MAST4: variants seen among roughly 807,000 people sequenced by gnomAD.
The protein encoded by MAST4 is microtubule-associated serine/threonine-protein kinase 4.
Under a neutral mutation model 162.7 loss-of-function variants are expected in MAST4, and 89 were observed. The ratio of observed to expected loss-of-function variants is 0.55; its 90% CI spans 0.46 to 0.65. The LOEUF (loss-of-function observed/expected upper bound fraction) is 0.65, where lower values mean the gene tolerates loss of function less well. Ranked by LOEUF, MAST4 falls within the 30% of genes least tolerant of loss-of-function variation. The pLI, the probability that MAST4 is intolerant of heterozygous loss-of-function variation, is 0.00. For missense variants in MAST4, 3,153 were observed against 3,374.0 expected, an observed-to-expected ratio of 0.93 and a Z score of 1.62; for synonymous variants, 1,479 against 1,361.1, an observed-to-expected ratio of 1.09 and a Z score of -1.91.
chr5:67,124,983 T>C (rs1056475164), intron 14 of MAST4, among the ~76,000 whole-genome samples: 1 of 152,208 alleles, frequency 6.6e-6, no homozygotes, highest in African/African-American at 2.4e-5. Flanking sequence ...CAGTTATTTA[T>C]GTAAGAAATG....
intron 3 of MAST4, among the ~76,000 whole-genome samples, chr5:66,855,190 C>T (rs1449207617): frequency 6.6e-6 from 1 of 152,128 alleles, no homozygotes; most frequent in African/African-American, 2.4e-5. Flanking sequence ...CTAGAGCCAT[C>T]CCCTTGGTGA....
At chr5:66,777,058 A>G (rs145162827) in intron 2 of MAST4, among the ~76,000 whole-genome samples, 2 of 152,334 alleles carry the variant, frequency 1.3e-5, no homozygotes, top group African/African-American at 4.8e-5. Flanking sequence ...GTTACCTACT[A>G]TCATCATCAC....
chr5:67,140,248 C>T (rs971425283), intron 19 of MAST4, among the ~76,000 whole-genome samples: 1 of 152,190 alleles, frequency 6.6e-6, no homozygotes, highest in Non-Finnish European at 1.5e-5. Context: ...TACCCAACAC[C>T]CGCACCGTGC....
chr5:66,967,785 C>T (rs1746931732), intron 4 of MAST4, among the ~76,000 whole-genome samples: 1 of 151,084 alleles, frequency 6.6e-6, no homozygotes, highest in African/African-American at 2.4e-5. Flanking sequence ...TATATATGGC[C>T]CTAAATATCA....
chr5:67,166,422 C>A lies in MAST4; in HGVS notation c.7243C>A (p.Pro2415Thr). Residue 2415 changes from proline (P) to threonine (T), a missense_variant, in exon 29 of 29, where the codon CCT (proline) becomes ACT (threonine). Physicochemically the swap from Pro to Thr is conservative, Grantham distance 38 (BLOSUM62 -1). Coordinates refer to ENST00000403625, the MANE Select transcript of MAST4 (RefSeq NM_001164664.2). ...RPAAGVGKGF[P>T]EARGKGPGPQ... ...AGCCGCGGGGGTGGGGAAGGGCTTC[C>A]CTGAGGCCAGAGGGAAAGGGCCCGG... 6.2e-7 allele frequency: 1 copy of A among 1,607,376 alleles called. No individual in the cohort carries two copies. Among genetic ancestry groups the A allele is most frequent in the African/African-American group, 1.3e-5 (1 of 74,926 alleles).
chr5:66,812,588 A>G (rs1049521019), intron 3 of MAST4, among the ~76,000 whole-genome samples: 1 of 152,212 alleles, frequency 6.6e-6, no homozygotes, highest in African/African-American at 2.4e-5. Context: ...TACAAAGCGG[A>G]AAAATAGAAA....
intron 3 of MAST4, among the ~76,000 whole-genome samples, chr5:66,839,774 G>A (rs1758287224): frequency 6.6e-6 from 1 of 152,156 alleles, no homozygotes; most frequent in Non-Finnish European, 1.5e-5. Flanking sequence ...GAATTTAAAA[G>A]AGTGAGATTA....
intron 1 of MAST4, among the ~76,000 whole-genome samples, chr5:66,732,919 T>C (rs1315830944): frequency 6.6e-6 from 1 of 152,220 alleles, no homozygotes; most frequent in East Asian, 1.9e-4. Flanking sequence ...TTGGAAGATA[T>C]GAGAATTATT....
chr5:66,658,175 G>C (rs1054280827), intron 1 of MAST4, among the ~76,000 whole-genome samples: 1 of 152,136 alleles, frequency 6.6e-6, no homozygotes, highest in African/African-American at 2.4e-5. Flanking sequence ...AGGAATAATT[G>C]AATACAGGCT....
chr5:66,604,200 C>T (rs1017501604), intron 1 of MAST4, among the ~76,000 whole-genome samples: 4 of 152,270 alleles, frequency 2.6e-5, no homozygotes, highest in Admixed American at 1.3e-4. Flanking sequence ...TTCCTGGTGG[C>T]GATTCCAGCC....
chr5:66,648,075 T>TGAGAGA (rs1199041939), intron 1 of MAST4, among the ~76,000 whole-genome samples: 6 of 95,392 alleles, frequency 6.3e-5, no homozygotes, highest in African/African-American at 2.9e-4. Context: ...TGTGTGTGTG[T>TGAGAGA]GTGTGTGTGA....
chr5:67,073,972 T>C (rs962538238), intron 5 of MAST4, among the ~76,000 whole-genome samples: 4 of 152,092 alleles, frequency 2.6e-5, no homozygotes, highest in African/African-American at 7.2e-5. Flanking sequence ...AGATTGATAA[T>C]AGAAATTTAA....
At position 67,145,190 on chromosome 5, in the gene MAST4, C is replaced by T. The variant is rs1017647047; in HGVS notation, c.2905C>T (p.His969Tyr). 2 of 1,613,202 alleles carry T rather than the reference C, an allele frequency of 1.2e-6. No individual in the cohort carries two copies. Among genetic ancestry groups the T allele is most frequent in the Non-Finnish European group, 1.7e-6 (2 of 1,179,560 alleles). The change falls in exon 23 of 29, where the codon CAT becomes TAT. Residue 969 changes from histidine (H) to tyrosine (Y), a missense_variant. Coordinates refer to ENST00000403625, the MANE Select transcript of MAST4 (RefSeq NM_001164664.2). ...SNSSDTESNR[H>Y]KLSSGLLPKL... ...CTCTTCAGATACTGAAAGCAACAGA[C>T]ATAAACTCAGTTCTGGCCTACTTCC...
chr5:66,762,319 T>C (rs1753890462), intron 2 of MAST4, among the ~76,000 whole-genome samples: 1 of 152,214 alleles, frequency 6.6e-6, no homozygotes, highest in African/African-American at 2.4e-5. Context: ...AAAATTATAT[T>C]AGAATATGAA....
intron 2 of MAST4, among the ~76,000 whole-genome samples, chr5:66,777,786 A>G (rs1754672690): frequency 6.6e-6 from 1 of 152,152 alleles, no homozygotes; most frequent in Non-Finnish European, 1.5e-5. Flanking sequence ...AAAGGTGTAG[A>G]TAAGGCAGCT....
intron 4 of MAST4, among the ~76,000 whole-genome samples, chr5:66,920,189 C>A (rs1188726729): frequency 6.6e-6 from 1 of 152,104 alleles, no homozygotes; most frequent in Non-Finnish European, 1.5e-5. Flanking sequence ...ACAAATGATA[C>A]AAACTATGCT....
intron 2 of MAST4, among the ~76,000 whole-genome samples, chr5:66,761,291 A>G (rs1753838229): frequency 6.6e-6 from 1 of 152,184 alleles, no homozygotes; most frequent in Non-Finnish European, 1.5e-5. Flanking sequence ...AATCCAGAAA[A>G]CTCACAAATT....
At chr5:66,876,169 G>A (rs749780170) in intron 3 of MAST4, among the ~76,000 whole-genome samples, 2 of 152,192 alleles carry the variant, frequency 1.3e-5, no homozygotes, top group Non-Finnish European at 2.9e-5. Context: ...CCCCCAGAGT[G>A]TCGTTTAACT....
intron 4 of MAST4, among the ~76,000 whole-genome samples, chr5:67,012,372 T>G (rs1752792676): frequency 6.6e-6 from 1 of 152,168 alleles, no homozygotes; most frequent in African/African-American, 2.4e-5. Flanking sequence ...CTCACACAGA[T>G]GGAAACTGGA....
Sources: allele counts gnomAD v4.1 joint callset (sites outside exome capture counted in the v4.1 genomes callset), GRCh38; gene constraint gnomAD v4.1.1; transcripts MANE v1.5; gene names NCBI Gene and HGNC (gene_info 2026-07-23, HGNC 2026-07-21).